Variants in MAMDC2 observed in about 807,000 individuals in gnomAD.
The protein encoded by MAMDC2 is MAM domain-containing protein 2.
In MAMDC2, 57 loss-of-function variants were observed where a neutral mutation model predicts 89.8. That is an observed-to-expected ratio of 0.63 (90% CI 0.51 to 0.79). The LOEUF (loss-of-function observed/expected upper bound fraction) is 0.79, where lower values mean the gene tolerates loss of function less well. Ranked by LOEUF, MAMDC2 falls within the 30% of genes least tolerant of loss-of-function variation. The probability of loss-of-function intolerance (pLI) is 0.00; values close to 1 mark genes in which losing one functional copy is unlikely to be tolerated. For missense variants in MAMDC2, 800 were observed against 820.6 expected, an observed-to-expected ratio of 0.97 and a Z score of 0.31; for synonymous variants, 313 against 293.4, an observed-to-expected ratio of 1.07 and a Z score of -0.68.
Position 70,170,618 on chromosome 9 carries a change from C to A in MAMDC2, c.1638C>A (p.His546Gln). ...PTSYTGPKGDHTTGVGYYMYI... is the reference protein window; with the variant it reads ...PTSYTGPKGDQTTGVGYYMYI... ...CCTACACAGGACCAAAGGGAGATCA[C>A]ACTACTGGGGTAGGTGAGTTATGCC... Residue 546 changes from histidine to glutamine, a missense_variant, in exon 11 of 14, where the codon CAC (histidine) becomes CAA (glutamine). Physicochemically the swap from His to Gln is conservative, Grantham distance 24. Coordinates refer to ENST00000377182, the MANE Select transcript of MAMDC2 (RefSeq NM_153267.5). 1 of 1,607,182 alleles carries A rather than the reference C, an allele frequency of 6.2e-7. No individual in the cohort carries two copies. Among genetic ancestry groups the A allele is most frequent in the Non-Finnish European group, 8.5e-7 (1 of 1,177,206 alleles).
At chr9:70,136,180 A>C (rs1024209383) in intron 7 of MAMDC2, among the ~76,000 whole-genome samples, 11 of 152,104 alleles carry the variant, frequency 7.2e-5, no homozygotes, top group East Asian at 5.8e-4. Flanking sequence ...AAAACTCTCT[A>C]TGTTTTGCCT....
Position 70,059,252 on chromosome 9 carries a change from C to T in MAMDC2, c.148+14555C>T, listed in dbSNP as rs62572648. Among the ~76,000 whole-genome samples the T allele has an allele frequency of 2.9e-3, 434 of 152,234 alleles. 6 individuals carry two copies. The highest frequency in any genetic ancestry group is 0.01 in the Middle Eastern group (3 of 294). ...TGAGATCAGTCTTCTGTCTTTCCAT[C>T]CTGTAGTGGGCAATGTCTCTTGACC... On this transcript the variant is annotated intron_variant, in intron 2 of 13. Transcript: ENST00000377182.
At chr9:70,208,140 TTAAAG>T (rs1377388432) in intron 11 of MAMDC2, among the ~76,000 whole-genome samples, 1 of 152,190 alleles carries the variant, frequency 6.6e-6, no homozygotes, top group African/African-American at 2.4e-5. Context: ...CACATGAACT[TTAAAG>T]TAGTTTTTTC....
intron 10 of MAMDC2, chr9:70,169,805 T>C (rs2032278177): frequency 6.6e-6 from 1 of 152,180 alleles, no homozygotes; most frequent in African/African-American, 2.4e-5. Context: ...AAACATTGGA[T>C]TTGGGAAAAG....
At chr9:70,140,784 T>C (rs918437855) in intron 8 of MAMDC2, among the ~76,000 whole-genome samples, 4 of 152,156 alleles carry the variant, frequency 2.6e-5, no homozygotes, top group African/African-American at 9.7e-5. Context: ...AATGGATAAA[T>C]GGTAAATTTT....
chr9:70,133,870 A>C (rs1312045833), intron 7 of MAMDC2, among the ~76,000 whole-genome samples: 1 of 152,194 alleles, frequency 6.6e-6, no homozygotes, highest in Non-Finnish European at 1.5e-5. Flanking sequence ...GTCAGATTGC[A>C]ACTAAAGAGA....
chr9:70,179,231 G>A (rs1323766540), intron 11 of MAMDC2, among the ~76,000 whole-genome samples: 1 of 152,030 alleles, frequency 6.6e-6, no homozygotes, highest in Non-Finnish European at 1.5e-5. Flanking sequence ...AATGAGGTGG[G>A]GCCGGGCATG....
chr9:70,044,604 C>T lies in MAMDC2; in HGVS notation c.55C>T (p.Leu19Phe). Residue 19 changes from leucine to phenylalanine, a missense_variant, in exon 2 of 14, where the codon CTC becomes TTC. Transcript: ENST00000377182. The stretch of plus-strand genomic sequence containing the variant: ...CGCAGCCCTGCAGCTCGCCGGTGCC[C>T]TCGACCTGCCCGCTGGGTCCTGTGC... ...ALQALQLAGA[L>F]DLPAGSCAFE... The T allele has an allele frequency of 6.4e-7, 1 of 1,550,684 alleles. No homozygotes were observed. The highest frequency in any genetic ancestry group is 8.7e-7 in the Non-Finnish European group (1 of 1,146,930).
chr9:70,223,748 T>C (rs1348433786), intron 12 of MAMDC2, among the ~76,000 whole-genome samples: 1 of 152,238 alleles, frequency 6.6e-6, no homozygotes, highest in Non-Finnish European at 1.5e-5. Flanking sequence ...TTGTTATGTC[T>C]ATTATCTAAA....
intron 2 of MAMDC2, among the ~76,000 whole-genome samples, chr9:70,050,795 A>G (rs1319030261): frequency 6.6e-6 from 1 of 152,216 alleles, no homozygotes; most frequent in Non-Finnish European, 1.5e-5. Flanking sequence ...AACCAGAGAA[A>G]GAACCTTACT....
In MAMDC2 at chr9:70,113,131, G is replaced by T; in HGVS notation, c.642G>T (p.Leu214=). 1 of 1,613,888 alleles carries T rather than the reference G, an allele frequency of 6.2e-7. No homozygotes were observed. Among genetic ancestry groups the T allele is most frequent in the Non-Finnish European group, 8.5e-7 (1 of 1,179,930 alleles). ...AGGATCACACCTTCAAGAGTGAACTGGGTGAGCTGGGATCAAATAGAGTCC... is the reference window on the plus strand; with the variant it reads ...AGGATCACACCTTCAAGAGTGAACTTGGTGAGCTGGGATCAAATAGAGTCC... ...LPQDHTFKSE[L]GHYMYVDSVY... Residue 214 remains leucine, a splice_region_variant and synonymous_variant, in exon 5 of 14, where the codon CTG becomes CTT. Coordinates refer to ENST00000377182, the MANE Select transcript of MAMDC2 (RefSeq NM_153267.5).
Position 70,043,918 on chromosome 9 carries a change from CAT to C in MAMDC2, c.-279_-278del. 1 of 573,048 alleles carries C rather than the reference CAT, an allele frequency of 1.7e-6. No individual in the cohort carries two copies. The highest frequency in any genetic ancestry group is 2.1e-5 in the South Asian group (1 of 47,688). The allele number at this position is 573,048 out of a possible 1,614,324, so 35.5% of individuals were successfully genotyped here. A position where few individuals can be genotyped will look rare whatever the true frequency, so the allele number is the denominator to read the frequency against. ...CAGTTGTCTCCTCCCTGTCCAGCCC[CAT>C]CGTCGCCCAGGACCAGCTGGGCCGC... On this transcript the variant is annotated 5_prime_UTR_variant, in exon 1 of 14. Transcript: ENST00000377182.
At chr9:70,123,707 G>A (rs556686144) in intron 5 of MAMDC2, among the ~76,000 whole-genome samples, 11 of 152,202 alleles carry the variant, frequency 7.2e-5, no homozygotes, top group African/African-American at 2.4e-4. Flanking sequence ...CAATATGACC[G>A]CAGTCCTTAT....
At chr9:70,222,465 C>T (rs1206216169) in intron 12 of MAMDC2, among the ~76,000 whole-genome samples, 3 of 152,064 alleles carry the variant, frequency 2.0e-5, no homozygotes, top group Admixed American at 6.6e-5. Context: ...GTACTGCTGC[C>T]ATTTGAGATT....
chr9:70,099,980 AAGAGAGAGAGAGAGAGAGAGAG>A (rs60292765), intron 2 of MAMDC2, among the ~76,000 whole-genome samples: 1,416 of 115,632 alleles, frequency 0.012, 33 homozygotes, highest in African/African-American at 0.043. Context: ...GCCAAAAAGA[AAGAGAGAGAGAGAGAGAGAGAG>A]AGAGAGAGAG....
intron 8 of MAMDC2, among the ~76,000 whole-genome samples, chr9:70,142,346 T>C (rs538362436): frequency 6.6e-6 from 1 of 151,834 alleles, no homozygotes; most frequent in Non-Finnish European, 1.5e-5. Context: ...TGGAGGAAAA[T>C]GATGTCAGAG....
rs1254285679 is a variant in MAMDC2, at chr9:70,108,405, C to T, written c.343C>T (p.Leu115Phe). The T allele has an allele frequency of 2.5e-6, 4 of 1,614,092 alleles. No homozygotes were observed. The highest frequency in any genetic ancestry group is 2.5e-6 in the Non-Finnish European group (3 of 1,179,976). Residue 115 changes from leucine (L) to phenylalanine (F), a missense_variant, in exon 3 of 14, where the codon CTT becomes TTT. Physicochemically the swap from Leu to Phe is conservative, Grantham distance 22. Coordinates refer to ENST00000377182, the MANE Select transcript of MAMDC2 (RefSeq NM_153267.5). ...TGAAGATGAAAGCTTTGATCGCTTG[C>T]TTTGGTCAGCTAAGGAACCTTCAGA... ...RFEDESFDRL[L>F]WSAKEPSDSW...
chr9:70,155,700 C>T (rs1423496196), intron 9 of MAMDC2, among the ~76,000 whole-genome samples: 1 of 152,200 alleles, frequency 6.6e-6, no homozygotes, highest in Non-Finnish European at 1.5e-5. Flanking sequence ...TTATTGTCTT[C>T]ACTCCAGTGT....
intron 11 of MAMDC2, among the ~76,000 whole-genome samples, chr9:70,177,944 G>A (rs1209815378): frequency 6.6e-6 from 1 of 152,192 alleles, no homozygotes; most frequent in Non-Finnish European, 1.5e-5. Flanking sequence ...CCTAGAAATT[G>A]ATCCAGCAGA....
Sources: allele counts gnomAD v4.1 joint callset (sites outside exome capture counted in the v4.1 genomes callset), GRCh38; gene constraint gnomAD v4.1.1; transcripts MANE v1.5; gene names NCBI Gene and HGNC (gene_info 2026-07-23, HGNC 2026-07-21).